Variants in PLBD1 observed in about 807,000 individuals in gnomAD.
The protein encoded by PLBD1 is lysosomal leucine aminopeptidase.
A neutral mutation model predicts 63.0 loss-of-function variants in PLBD1; 60 were observed. The ratio of observed to expected loss-of-function variants is 0.95; its 90% CI spans 0.77 to 1.18. The LOEUF (loss-of-function observed/expected upper bound fraction) is 1.18. Ranked by LOEUF, PLBD1 falls within the 50% of genes most tolerant of loss-of-function variation. The pLI, the probability that PLBD1 is intolerant of heterozygous loss-of-function variation, is 0.00. For missense variants in PLBD1, 598 were observed against 677.9 expected, an observed-to-expected ratio of 0.88 and a Z score of 1.31; for synonymous variants, 262 against 248.0, an observed-to-expected ratio of 1.06 and a Z score of -0.53.
In PLBD1 at chr12:14,539,008, G is replaced by A. The variant is rs892154993; in HGVS notation, c.558+1756C>T. ...TGCCCTCCAGCCTGGGTGATATCGC[G>A]AGGCTCTGTCTCTAAATAAATAAAT... is the stretch of plus-strand genomic sequence containing the variant. On this transcript the variant is annotated intron_variant, in intron 4 of 10. Coordinates refer to ENST00000240617, the MANE Select transcript of PLBD1 (RefSeq NM_024829.6). Among the ~76,000 whole-genome samples, 8 of 151,770 alleles carry A rather than the reference G, an allele frequency of 5.3e-5. 1 individual carries two copies. The highest frequency in any genetic ancestry group is 2.0e-4 in the Admixed American group (3 of 15,240).
At chr12:14,554,742 C>T (rs1316900228) in intron 1 of PLBD1, among the ~76,000 whole-genome samples, 1 of 152,022 alleles carries the variant, frequency 6.6e-6, no homozygotes, top group African/African-American at 2.4e-5. Context: ...ATGCATTGGA[C>T]TCATGACCAC....
At position 14,565,188 on chromosome 12, in the gene PLBD1, G is replaced by A. The variant is rs139667540; in HGVS notation, c.115+2394C>T. On this transcript the variant is annotated intron_variant, in intron 1 of 10. Coordinates refer to ENST00000240617, the MANE Select transcript of PLBD1 (RefSeq NM_024829.6). ...ATGCAAGAATTAACTAAAAGTGTCCGGGCATGGTAGCTCACACCTGTAATC... is the reference window on the plus strand; with the variant it reads ...ATGCAAGAATTAACTAAAAGTGTCCAGGCATGGTAGCTCACACCTGTAATC... Among the ~76,000 whole-genome samples the A allele has an allele frequency of 5.9e-5, 9 of 152,216 alleles. No homozygotes were observed. In the East Asian group the frequency reaches 1.4e-3, roughly 23 times the overall value.
chr12:14,535,942 A>G, intron 5 of PLBD1, 139 bp from the exon 6 acceptor site: 2 of 820,294 alleles, frequency 2.4e-6, no homozygotes, highest in South Asian at 3.7e-5. Flanking sequence ...AAATATGGCC[A>G]AGGAGTCAAG....
chr12:14,509,913 C>G (rs1945283589), intron 8 of PLBD1, among the ~76,000 whole-genome samples: 1 of 152,154 alleles, frequency 6.6e-6, no homozygotes, highest in African/African-American at 2.4e-5. Flanking sequence ...CATGACCATC[C>G]TGTGAAATTG....
intron 6 of PLBD1, among the ~76,000 whole-genome samples, chr12:14,513,411 A>G (rs11056004): frequency 0.055 from 8,388 of 152,294 alleles, 749 homozygotes; most frequent in African/African-American, 0.19. Flanking sequence ...TAAAACAAAT[A>G]CATTTCTACT....
At chr12:14,506,093 G>A in intron 10 of PLBD1, 69 bp downstream of exon 10, 3 of 1,054,552 alleles carry the variant, frequency 2.8e-6, no homozygotes, top group Admixed American at 2.5e-5. Context: ...ATAAAAACCT[G>A]TGCAACTTTG....
At position 14,542,819 on chromosome 12, in the gene PLBD1, AG is replaced by A. The variant is rs1592005500; in HGVS notation, c.336-529del. 3.9e-5 allele frequency among the ~76,000 whole-genome samples: 6 copies of A among 152,212 alleles called. No individual in the cohort carries two copies. In the East Asian group the frequency reaches 1.2e-3, roughly 29 times the overall value. On this transcript the variant is annotated intron_variant, in intron 2 of 10. Coordinates refer to ENST00000240617, the MANE Select transcript of PLBD1 (RefSeq NM_024829.6). Reference sequence around the variant, plus strand: ...TCCCAGCACTTTGGGAGGCTGAGGCAGGCGGATCACAAGGTCAGGAGATCGA... The same window carrying A: ...TCCCAGCACTTTGGGAGGCTGAGGCAGCGGATCACAAGGTCAGGAGATCGA...
At chr12:14,551,090 C>T (rs559295909) in intron 2 of PLBD1, among the ~76,000 whole-genome samples, 15 of 151,622 alleles carry the variant, frequency 9.9e-5, no homozygotes, top group East Asian at 3.9e-4. Flanking sequence ...ACAGGCCTGG[C>T]GTGGTGGTTC....
intron 8 of PLBD1, 64 bp from the exon 9 acceptor site, chr12:14,507,182 G>C (rs931929052): frequency 2.4e-6 from 3 of 1,239,306 alleles, no homozygotes; most frequent in African/African-American, 3.0e-5. Flanking sequence ...AAAGGAGAGA[G>C]AGCAAAAGAA....
chr12:14,518,508 G>GT (rs1388399416), intron 6 of PLBD1, among the ~76,000 whole-genome samples: 3 of 152,110 alleles, frequency 2.0e-5, no homozygotes, highest in African/African-American at 7.2e-5. Flanking sequence ...CAAATCTAGG[G>GT]TATGAAAGGG....
At chr12:14,509,056 CAT>C (rs1945276918) in intron 8 of PLBD1, among the ~76,000 whole-genome samples, 1 of 150,384 alleles carries the variant, frequency 6.6e-6, no homozygotes, top group Non-Finnish European at 1.5e-5. Context: ...TTGGGCAAAA[CAT>C]GTTTCTTTCT....
chr12:14,556,015 A>T (rs1945700499), intron 1 of PLBD1, among the ~76,000 whole-genome samples: 1 of 152,220 alleles, frequency 6.6e-6, no homozygotes, highest in Admixed American at 6.5e-5. Context: ...TTAGGAAGAA[A>T]GAGAAAGAAA....
intron 1 of PLBD1, among the ~76,000 whole-genome samples, chr12:14,559,843 T>C (rs998131455): frequency 6.6e-6 from 1 of 151,370 alleles, no homozygotes; most frequent in Non-Finnish European, 1.5e-5. Context: ...TATACTCTGA[T>C]TAATATTTTA....
At position 14,505,106 on chromosome 12, in the gene PLBD1, CTT is replaced by C. The variant is rs57466061; in HGVS notation, c.1479+1054_1479+1055del. ...TCTGTGCCAGCTTCTCTACGTCTACCTTTTTTTTTTTTTTTTTTAATGTTAAC... is the reference window on the plus strand; with the variant it reads ...TCTGTGCCAGCTTCTCTACGTCTACCTTTTTTTTTTTTTTTTAATGTTAAC... On this transcript the variant is annotated intron_variant, in intron 10 of 10. Coordinates refer to ENST00000240617, the MANE Select transcript of PLBD1 (RefSeq NM_024829.6). Among the ~76,000 whole-genome samples the C allele has an allele frequency of 9.8e-3, 1,371 of 140,512 alleles. 8 individuals are homozygous for C. The highest frequency in any genetic ancestry group is 0.013 in the Non-Finnish European group (854 of 65,320). The allele number at this position is 140,512 out of a possible 152,430, so 92.2% of individuals were successfully genotyped here.
intron 2 of PLBD1, among the ~76,000 whole-genome samples, chr12:14,552,641 C>T (rs1313600214): frequency 2.0e-5 from 3 of 152,136 alleles, no homozygotes; most frequent in Non-Finnish European, 2.9e-5. Context: ...TGGCTCACAC[C>T]TGTAATTCCA....
intron 6 of PLBD1, among the ~76,000 whole-genome samples, chr12:14,517,114 G>A (rs1945342734): frequency 6.6e-6 from 1 of 152,076 alleles, no homozygotes; most frequent in Admixed American, 6.6e-5. Context: ...GGCATGGCAG[G>A]AAATCCTTTG....
chr12:14,520,729 A>G (rs150467579), intron 6 of PLBD1, among the ~76,000 whole-genome samples: 6 of 152,320 alleles, frequency 3.9e-5, no homozygotes, highest in Non-Finnish European at 7.3e-5. Flanking sequence ...CTTCCCAGTC[A>G]AGGTCGGTAT....
intron 1 of PLBD1, 91 bp downstream of exon 1, chr12:14,567,491 G>T: frequency 7.2e-7 from 1 of 1,380,988 alleles, no homozygotes; most frequent in Non-Finnish European, 9.3e-7. Context: ...ACGCCCGCTG[G>T]ACGTCAACTC....
intron 6 of PLBD1, among the ~76,000 whole-genome samples, chr12:14,531,635 T>C (rs574351294): frequency 6.6e-6 from 1 of 152,246 alleles, no homozygotes; most frequent in Admixed American, 6.5e-5. Context: ...TGTAATCTCT[T>C]TGTTGTTGTT....
Sources: allele counts gnomAD v4.1 joint callset (sites outside exome capture counted in the v4.1 genomes callset), GRCh38; gene constraint gnomAD v4.1.1; transcripts MANE v1.5; gene names NCBI Gene and HGNC (gene_info 2026-07-23, HGNC 2026-07-21).